The following COL4A2 variants were observed in gnomAD, a reference collection of about 807,000 sequenced individuals.
COL4A2 encodes the protein collagen type IV alpha 2 chain.
Under a neutral mutation model 200.2 loss-of-function variants are expected in COL4A2, and 99 were observed. The observed-to-expected ratio is 0.49, with a 90% confidence interval of 0.42 to 0.58. The LOEUF (loss-of-function observed/expected upper bound fraction) is 0.58, where lower values mean the gene tolerates loss of function less well. Among genes scored for constraint, COL4A2 ranks in the 20% least tolerant of loss-of-function variants. COL4A2 has a pLI of 0.00. For missense variants in COL4A2, 1,950 were observed against 2,314.1 expected, an observed-to-expected ratio of 0.84 and a Z score of 3.23; for synonymous variants, 897 against 900.6, an observed-to-expected ratio of 1.00 and a Z score of 0.07.
At chr13:110,430,689 C>G in intron 10 of COL4A2, 82 bp downstream of exon 10, 1 of 1,558,622 alleles carries the variant, frequency 6.4e-7, no homozygotes, top group Non-Finnish European at 8.8e-7. Context: ...ATGGTTGACT[C>G]CAGATGAGAG....
chr13:110,333,824 T>C (rs1876042836), intron 3 of COL4A2, among the ~76,000 whole-genome samples: 1 of 152,202 alleles, frequency 6.6e-6, no homozygotes, highest in African/African-American at 2.4e-5. Context: ...AGCTCTTACC[T>C]TGTGTGATAA....
In COL4A2 at chr13:110,370,825, G is replaced by A. The variant is rs567137715; in HGVS notation, c.180+13273G>A. Among the ~76,000 whole-genome samples, 9 of 152,340 alleles carry A rather than the reference G, an allele frequency of 5.9e-5. No homozygotes were observed. In the South Asian group the frequency reaches 1.9e-3, roughly 32 times the overall value. On this transcript the variant is annotated intron_variant, in intron 4 of 47. Coordinates refer to ENST00000360467, the MANE Select transcript of COL4A2 (RefSeq NM_001846.4). ...TCCATGAAGATGGCTATTGACCAAAGAGGAGATTTCTAAATGCTAATTCCT... is the reference window on the plus strand; with the variant it reads ...TCCATGAAGATGGCTATTGACCAAAAAGGAGATTTCTAAATGCTAATTCCT...
rs530187939 is a variant in COL4A2 at position 110,322,251 on chromosome 13, C to T, written c.99+14128C>T. Among the ~76,000 whole-genome samples, 7 of 152,272 alleles carry T rather than the reference C, an allele frequency of 4.6e-5. No homozygotes were observed. In the East Asian group the frequency reaches 1.2e-3, roughly 25 times the overall value. On this transcript the variant is annotated intron_variant, in intron 3 of 47. Transcript: ENST00000360467. ...GCCTGTCTCTCGGAGGCGGCCTGCC[C>T]GTGCCTCTGTTCTTGATGTTTGTTT...
chr13:110,413,293 T>A lies in COL4A2; in HGVS notation c.181-11441T>A, dbSNP rs1238555293. Reference sequence around the variant, plus strand: ...CAGCACATGGAGTGTGTTCTGTGTGTCAAATCCTGCAAGAGATGCCGGGGA... The same window carrying A: ...CAGCACATGGAGTGTGTTCTGTGTGACAAATCCTGCAAGAGATGCCGGGGA... On this transcript the variant is annotated intron_variant, in intron 4 of 47. Transcript: ENST00000360467. 3.3e-5 allele frequency among the ~76,000 whole-genome samples: 5 copies of A among 152,166 alleles called. No homozygotes were observed. In the South Asian group the frequency reaches 8.3e-4, roughly 25 times the overall value.
chr13:110,362,965 G>A (rs1877582408), intron 4 of COL4A2, among the ~76,000 whole-genome samples: 1 of 152,214 alleles, frequency 6.6e-6, no homozygotes, highest in African/African-American at 2.4e-5. Context: ...TGATCAGATA[G>A]GTTGTTTCAA....
intron 19 of COL4A2, 56 bp downstream of exon 19, chr13:110,449,845 C>T (rs1013309906): frequency 2.7e-6 from 4 of 1,495,776 alleles, no homozygotes; most frequent in Non-Finnish European, 3.6e-6. Flanking sequence ...CACTCAGGTC[C>T]TAGCACACAC....
At chr13:110,419,835 A>G (rs1008293312) in intron 4 of COL4A2, among the ~76,000 whole-genome samples, 1 of 152,200 alleles carries the variant, frequency 6.6e-6, no homozygotes, top group African/African-American at 2.4e-5. Context: ...GCCAAGACTG[A>G]TTGAATTAGA....
At chr13:110,462,242 C>T in intron 23 of COL4A2, 36 bp from the exon 24 acceptor site, 1 of 1,614,262 alleles carries the variant, frequency 6.2e-7, no homozygotes, top group Non-Finnish European at 8.5e-7. Context: ...CTGTGGGCAC[C>T]TGCCTGGGCA....
intron 16 of COL4A2, among the ~76,000 whole-genome samples, chr13:110,441,936 A>G (rs1172100099): frequency 6.6e-6 from 1 of 151,626 alleles, no homozygotes; most frequent in African/African-American, 2.4e-5. Context: ...AAAAAAAAAA[A>G]AAATTACCTG....
Position 110,425,114 on chromosome 13 carries a change from C to T in COL4A2, c.360+117C>T, listed in dbSNP as rs553809010. 1.0e-4 allele frequency: 124 copies of T among 1,209,728 alleles called. No homozygotes were observed. The African/African-American group carries it at 1.7e-3, about 17-fold the overall frequency. 74.9% of individuals were successfully genotyped at this position (1,209,728 alleles called of 1,614,324 possible). A position where few individuals can be genotyped will look rare whatever the true frequency, so the allele number is the denominator to read the frequency against. ...CCTTTTTTGTTTATGACATAAAACACGTGGGGACTATACGTGCGTATTCTC... is the reference window on the plus strand; with the variant it reads ...CCTTTTTTGTTTATGACATAAAACATGTGGGGACTATACGTGCGTATTCTC... On this transcript the variant is annotated intron_variant, in intron 6 of 47. Transcript: ENST00000360467.
At chr13:110,452,084 A>C (rs893337385) in intron 20 of COL4A2, among the ~76,000 whole-genome samples, 3 of 152,172 alleles carry the variant, frequency 2.0e-5, no homozygotes, top group Admixed American at 2.0e-4. Flanking sequence ...TTGCTAGTGG[A>C]CAGTGTTTGG....
chr13:110,493,321 G>A (rs1245030497), intron 39 of COL4A2, 39 bp downstream of exon 39: 2 of 1,603,026 alleles, frequency 1.2e-6, no homozygotes, highest in Non-Finnish European at 8.5e-7. Flanking sequence ...CCACGCAGAG[G>A]TGTCGAGGGT....
In COL4A2 at chr13:110,349,976, C is replaced by G. The variant is rs375008087; in HGVS notation, c.100-7496C>G. ...ACAGGGTTTCACCATGTTGGCCAGG[C>G]TGGTCTTGAACTCCTAACTTCAAGT... On this transcript the variant is annotated intron_variant, in intron 3 of 47. Transcript: ENST00000360467. Among the ~76,000 whole-genome samples, 8 of 152,174 alleles carry G rather than the reference C, an allele frequency of 5.3e-5. No individual in the cohort carries two copies. The East Asian group carries it at 1.2e-3, about 22-fold the overall frequency.
In COL4A2 at chr13:110,310,807, A is replaced by G. The variant is rs74950958; in HGVS notation, c.99+2684A>G. On this transcript the variant is annotated intron_variant, in intron 3 of 47. Transcript: ENST00000360467. ...CTTATTGGGCACTTCCTGTGTGCCA[A>G]TTTGTCTGTACTAATGCTTCTAATC... Among the ~76,000 whole-genome samples the G allele has an allele frequency of 4.7e-4, 71 of 152,260 alleles. 5 individuals are homozygous for G. The East Asian group carries it at 0.013, about 28-fold the overall frequency.
chr13:110,480,287 C>G lies in COL4A2; in HGVS notation c.2655C>G (p.Leu885=). 1 of 1,613,964 alleles carries G rather than the reference C, an allele frequency of 6.2e-7. No individual in the cohort carries two copies. The highest frequency in any genetic ancestry group is 1.7e-5 in the Admixed American group (1 of 60,004). ...CTGGCCCTGTGGGCATGAAAGGTCT[C>G]TCTGGTGACAGAGGAGATGCTGGCT... is the stretch of plus-strand genomic sequence containing the variant. ...GAPGPVGMKG[L]SGDRGDAGFT... is the part of the protein sequence containing the mutation. The change falls in exon 31 of 48, where the codon CTC becomes CTG. Residue 885 remains leucine, a synonymous_variant. Coordinates refer to ENST00000360467, the MANE Select transcript of COL4A2 (RefSeq NM_001846.4).
At chr13:110,347,290 GCT>G (rs1282425199) in intron 3 of COL4A2, among the ~76,000 whole-genome samples, 2 of 152,194 alleles carry the variant, frequency 1.3e-5, no homozygotes, top group African/African-American at 4.8e-5. Context: ...TGTGTCAGGA[GCT>G]CTAGGCCGGG....
chr13:110,394,287 T>C (rs1344181307), intron 4 of COL4A2, among the ~76,000 whole-genome samples: 1 of 152,222 alleles, frequency 6.6e-6, no homozygotes, highest in Non-Finnish European at 1.5e-5. Flanking sequence ...AACTCACTTA[T>C]TACTATTTTC....
At chr13:110,450,842 G>A (rs1365839756) in intron 20 of COL4A2, among the ~76,000 whole-genome samples, 1 of 152,190 alleles carries the variant, frequency 6.6e-6, no homozygotes, top group Non-Finnish European at 1.5e-5. Flanking sequence ...TCCAGGGTGA[G>A]GGCTCACCCT....
chr13:110,329,145 A>G (rs574543979), intron 3 of COL4A2, among the ~76,000 whole-genome samples: 1 of 152,248 alleles, frequency 6.6e-6, no homozygotes, highest in South Asian at 2.1e-4. Flanking sequence ...TAAATGGAGA[A>G]GTTTAGACCT....
Sources: gnomAD v4.1 joint callset for allele counts (sites outside exome capture counted in the v4.1 genomes callset) on GRCh38, gnomAD v4.1.1 for gene constraint, MANE v1.5 for transcripts, NCBI Gene and HGNC (gene_info 2026-07-23, HGNC 2026-07-21) for gene names.